RNF220: variants seen among roughly 807,000 people sequenced by gnomAD.
RNF220 encodes ring finger protein 220.
In RNF220, 7 loss-of-function variants were observed where a neutral mutation model predicts 67.1. The ratio of observed to expected loss-of-function variants is 0.10; its 90% CI spans 0.06 to 0.20. The LOEUF (loss-of-function observed/expected upper bound fraction) is 0.20, where lower values mean the gene tolerates loss of function less well. Ranked by LOEUF, RNF220 falls within the 10% of genes least tolerant of loss-of-function variation. The pLI is 1.00. For missense variants in RNF220, 565 were observed against 740.3 expected, an observed-to-expected ratio of 0.76 and a Z score of 2.75; for synonymous variants, 270 against 283.2, an observed-to-expected ratio of 0.95 and a Z score of 0.47.
At chr1:44,463,195 G>A (rs1366365091) in intron 2 of RNF220, among the ~76,000 whole-genome samples, 1 of 152,074 alleles carries the variant, frequency 6.6e-6, no homozygotes, top group African/African-American at 2.4e-5. Flanking sequence ...AATTAGCCAG[G>A]TGTGGTGGCA....
chr1:44,618,887 T>C (rs534612242), intron 3 of RNF220, among the ~76,000 whole-genome samples: 4 of 152,142 alleles, frequency 2.6e-5, no homozygotes, highest in East Asian at 1.9e-4. Flanking sequence ...CAGGACTTAG[T>C]TGGGGTGCTT....
intron 2 of RNF220, among the ~76,000 whole-genome samples, chr1:44,581,975 A>T (rs540334295): frequency 6.6e-6 from 1 of 152,156 alleles, no homozygotes; most frequent in African/African-American, 2.4e-5. Context: ...ACCAGCATCT[A>T]TGCCTCCCTG....
chr1:44,479,673 A>G (rs1048711442), intron 2 of RNF220, among the ~76,000 whole-genome samples: 10 of 152,116 alleles, frequency 6.6e-5, no homozygotes, highest in Non-Finnish European at 1.2e-4. Flanking sequence ...CGCACTCTGG[A>G]TTAGGTCTTT....
At chr1:44,431,747 G>A (rs1260688054) in intron 2 of RNF220, among the ~76,000 whole-genome samples, 1 of 152,210 alleles carries the variant, frequency 6.6e-6, no homozygotes, top group African/African-American at 2.4e-5. Flanking sequence ...CAGCAGGCCT[G>A]GTGGTGGCCA....
chr1:44,413,497 C>G (rs1648204619), intron 2 of RNF220, among the ~76,000 whole-genome samples: 1 of 152,212 alleles, frequency 6.6e-6, no homozygotes, highest in Non-Finnish European at 1.5e-5. Flanking sequence ...ACACTTATAG[C>G]TGGAACTAAA....
At chr1:44,593,026 A>G (rs1666227381) in intron 2 of RNF220, among the ~76,000 whole-genome samples, 1 of 152,178 alleles carries the variant, frequency 6.6e-6, no homozygotes. Context: ...CAGAGCTGCC[A>G]TGGTGTCTCT....
intron 2 of RNF220, among the ~76,000 whole-genome samples, chr1:44,508,714 C>G (rs1192944875): frequency 1.3e-5 from 2 of 152,306 alleles, no homozygotes; most frequent in East Asian, 1.9e-4. Context: ...TTCCTCACCC[C>G]TCTCTGATCT....
chr1:44,650,350 C>T lies in RNF220; in HGVS notation c.1630-354C>T, dbSNP rs1242376851. The T allele has an allele frequency of 4.2e-6, 2 of 473,248 alleles. No individual in the cohort carries two copies. The highest frequency in any genetic ancestry group is 3.9e-5 in the African/African-American group (2 of 51,470). 29.3% of individuals were successfully genotyped at this position (473,248 alleles called of 1,614,324 possible). A position where few individuals can be genotyped will look rare whatever the true frequency, so the allele number is the denominator to read the frequency against. Reference sequence around the variant, plus strand: ...CCCCTGTTCTTCGCTCAGGAGCAGCCATTAAAATGTCGCCCGGAGACAGTA... The same window carrying T: ...CCCCTGTTCTTCGCTCAGGAGCAGCTATTAAAATGTCGCCCGGAGACAGTA... On this transcript the variant is annotated intron_variant, in intron 14 of 14. Coordinates refer to ENST00000361799, the MANE Select transcript of RNF220 (RefSeq NM_018150.4). The surrounding 1 kb of genome is among the most constrained non-coding windows in gnomAD (Gnocchi z 4.3).
chr1:44,647,804 A>G lies in RNF220; in HGVS notation c.1446-1857A>G, dbSNP rs545257267. On this transcript the variant is annotated intron_variant, in intron 12 of 14. Coordinates refer to ENST00000361799, the MANE Select transcript of RNF220 (RefSeq NM_018150.4). ...CCAATTGTCTCCCCTAAACTGCAGA[A>G]CAGGTGCCCCCAGGAGACTGTCCTT... Among the ~76,000 whole-genome samples, 14 of 152,264 alleles carry G rather than the reference A, an allele frequency of 9.2e-5. No homozygotes were observed. The South Asian group carries it at 2.9e-3, about 32-fold the overall frequency.
At chr1:44,546,643 G>A (rs919352238) in intron 2 of RNF220, among the ~76,000 whole-genome samples, 10 of 152,146 alleles carry the variant, frequency 6.6e-5, no homozygotes, top group Admixed American at 2.0e-4. Flanking sequence ...ATGTTACCCC[G>A]AGATGGAGTG....
At position 44,526,032 on chromosome 1, in the gene RNF220, C is replaced by T. The variant is rs114597309; in HGVS notation, c.626-88133C>T. On this transcript the variant is annotated intron_variant, in intron 2 of 14. Coordinates refer to ENST00000361799, the MANE Select transcript of RNF220 (RefSeq NM_018150.4). ...TCCTAGCTTCACTTTCTTTCCTGCC[C>T]GACCTTGACCCTTTGATCAACATCT... 6.4e-3 allele frequency among the ~76,000 whole-genome samples: 974 copies of T among 152,274 alleles called. 8 individuals carry two copies. The highest frequency in any genetic ancestry group is 0.021 in the African/African-American group (887 of 41,546).
intron 2 of RNF220, among the ~76,000 whole-genome samples, chr1:44,602,839 G>A (rs752516701): frequency 4.0e-5 from 6 of 151,810 alleles, no homozygotes; most frequent in Non-Finnish European, 8.8e-5. Flanking sequence ...CTATTAATTT[G>A]CTCAATCGTC....
chr1:44,552,387 G>A (rs1390955529), intron 2 of RNF220, among the ~76,000 whole-genome samples: 2 of 151,652 alleles, frequency 1.3e-5, no homozygotes, highest in African/African-American at 2.4e-5. Flanking sequence ...GCACATACAA[G>A]TCCCAGATAC....
intron 2 of RNF220, among the ~76,000 whole-genome samples, chr1:44,447,510 G>A (rs957076623): frequency 6.6e-6 from 1 of 152,086 alleles, no homozygotes; most frequent in African/African-American, 2.4e-5. Context: ...TTCCAGTCTT[G>A]CCTGCCCTAG....
chr1:44,493,097 A>G (rs1475244094), intron 2 of RNF220, among the ~76,000 whole-genome samples: 1 of 152,186 alleles, frequency 6.6e-6, no homozygotes, highest in Non-Finnish European at 1.5e-5. Context: ...CCACAAGTGG[A>G]AAACTCCATA....
intron 2 of RNF220, among the ~76,000 whole-genome samples, chr1:44,512,868 G>A (rs1659130475): frequency 6.6e-6 from 1 of 152,102 alleles, no homozygotes; most frequent in Non-Finnish European, 1.5e-5. Context: ...CCAACAGTGA[G>A]CTCGGTGGCT....
At chr1:44,560,968 A>T (rs1663526400) in intron 2 of RNF220, among the ~76,000 whole-genome samples, 1 of 152,226 alleles carries the variant, frequency 6.6e-6, no homozygotes, top group Admixed American at 6.5e-5. Context: ...GAATCGCCTC[A>T]TGAAAGGTAA....
chr1:44,450,084 C>T (rs1435504807), intron 2 of RNF220, among the ~76,000 whole-genome samples: 1 of 152,128 alleles, frequency 6.6e-6, no homozygotes. Context: ...TGGCGCATGC[C>T]TGTAATCCCA....
At chr1:44,587,560 T>C (rs992163090) in intron 2 of RNF220, among the ~76,000 whole-genome samples, 1 of 152,134 alleles carries the variant, frequency 6.6e-6, no homozygotes, top group Non-Finnish European at 1.5e-5. Context: ...CCTCGGCTCC[T>C]TTGACAGGGA....
Sources: allele counts gnomAD v4.1 joint callset (sites outside exome capture counted in the v4.1 genomes callset), GRCh38; gene constraint gnomAD v4.1.1; non-coding constraint Gnocchi (gnomAD v3.1); transcripts MANE v1.5; gene names NCBI Gene and HGNC (gene_info 2026-07-23, HGNC 2026-07-21).